ASIC2: variants seen among roughly 807,000 people sequenced by gnomAD.
The protein encoded by ASIC2 is acid sensing ion channel subunit 2.
Under a neutral mutation model 57.3 loss-of-function variants are expected in ASIC2, and 25 were observed. The observed-to-expected ratio is 0.44, with a 90% CI of 0.32 to 0.61. The LOEUF is 0.61. ASIC2 is among the 20% of genes least tolerant of loss of function. The pLI is 0.06. For missense variants in ASIC2, 641 were observed against 738.1 expected (o/e 0.87, Z 1.52); for synonymous variants, 319 against 307.5 (o/e 1.04, Z -0.39).
At chr17:34,013,293 G>A (rs143914465) in intron 1 of ASIC2, among the ~76,000 whole-genome samples, 4 of 152,254 alleles carry the variant, frequency 2.6e-5, no homozygotes, top group Non-Finnish European at 5.9e-5. Context: ...GGGAAAGTGT[G>A]GGCCTGAGAG....
At chr17:33,304,291 G>A (rs919238928) in intron 1 of ASIC2, among the ~76,000 whole-genome samples, 2 of 152,184 alleles carry the variant, frequency 1.3e-5, no homozygotes, top group Non-Finnish European at 2.9e-5. Context: ...ATGAACAATG[G>A]TCAGAAGAGA....
chr17:33,823,873 T>C (rs1015070555), intron 1 of ASIC2, among the ~76,000 whole-genome samples: 5 of 152,206 alleles, frequency 3.3e-5, no homozygotes, highest in African/African-American at 1.2e-4. Flanking sequence ...GTTTATTTGG[T>C]GTCTGATCTG....
At chr17:33,678,435 C>CACACACACACACACACACACACACA (rs1907894434) in intron 1 of ASIC2, among the ~76,000 whole-genome samples, 2 of 139,602 alleles carry the variant, frequency 1.4e-5, no homozygotes, top group African/African-American at 5.3e-5. Context: ...CTGGTTCAAT[C>CACACACACACACACACACACACACA]CACACACACA....
chr17:33,968,255 A>G (rs1905128509), intron 1 of ASIC2, among the ~76,000 whole-genome samples: 1 of 152,144 alleles, frequency 6.6e-6, no homozygotes, highest in South Asian at 2.1e-4. Flanking sequence ...ACACTGATCC[A>G]AATAAAACGG....
At chr17:33,946,325 G>A (rs1904374242) in intron 1 of ASIC2, among the ~76,000 whole-genome samples, 1 of 152,150 alleles carries the variant, frequency 6.6e-6, no homozygotes, top group South Asian at 2.1e-4. Flanking sequence ...GGTCTGGGGG[G>A]CCCGAGGCTG....
chr17:33,259,331 C>T (rs1408895081), intron 1 of ASIC2, among the ~76,000 whole-genome samples: 1 of 152,210 alleles, frequency 6.6e-6, no homozygotes, highest in African/African-American at 2.4e-5. Context: ...TTCACGCCAT[C>T]AGTCTGCAAA....
At chr17:33,447,033 C>T (rs183749976) in intron 1 of ASIC2, among the ~76,000 whole-genome samples, 21 of 152,332 alleles carry the variant, frequency 1.4e-4, no homozygotes, top group Admixed American at 4.6e-4. Flanking sequence ...CTGCTGCAGA[C>T]GCTTTGAGCC....
chr17:33,726,513 G>A (rs1909565534), intron 1 of ASIC2, among the ~76,000 whole-genome samples: 1 of 152,186 alleles, frequency 6.6e-6, no homozygotes, highest in South Asian at 2.1e-4. Flanking sequence ...AGCACCACAA[G>A]GCAGCCTGCA....
At chr17:34,086,865 T>A (rs1478718230) in intron 1 of ASIC2, among the ~76,000 whole-genome samples, 2 of 152,230 alleles carry the variant, frequency 1.3e-5, no homozygotes, top group Non-Finnish European at 2.9e-5. Flanking sequence ...CTGCAACACC[T>A]GCCTTTTTTT....
At chr17:34,099,138 G>A (rs374542219) in intron 1 of ASIC2, among the ~76,000 whole-genome samples, 408 of 27,476 alleles carry the variant, frequency 0.015, 4 homozygotes, top group East Asian at 0.024. Flanking sequence ...GAGAGAGAGA[G>A]AGAGAGACAG....
chr17:33,539,499 C>T (rs111404178), intron 1 of ASIC2, among the ~76,000 whole-genome samples: 45 of 152,332 alleles, frequency 3.0e-4, no homozygotes, highest in Non-Finnish European at 5.9e-4. Context: ...ATCTGAAGAC[C>T]CAAATGCACA....
chr17:33,810,336 C>T (rs1481499248), intron 1 of ASIC2, among the ~76,000 whole-genome samples: 1 of 152,164 alleles, frequency 6.6e-6, no homozygotes, highest in Non-Finnish European at 1.5e-5. Context: ...CTTTGCTGCA[C>T]ATTAGAATCA....
At chr17:33,354,669 T>G (rs1908309230) in intron 1 of ASIC2, among the ~76,000 whole-genome samples, 2 of 152,056 alleles carry the variant, frequency 1.3e-5, no homozygotes, top group South Asian at 4.2e-4. Flanking sequence ...TTCTTCAGCT[T>G]TCCCAGGGAT....
At chr17:33,386,160 C>G (rs1471381923) in intron 1 of ASIC2, among the ~76,000 whole-genome samples, 1 of 152,152 alleles carries the variant, frequency 6.6e-6, no homozygotes, top group Admixed American at 6.5e-5. Context: ...TCTATTTTCT[C>G]TCTATGTGCT....
At chr17:33,981,615 GAAGGAAGGGAGAGAGA>G (rs1905626931) in intron 1 of ASIC2, among the ~76,000 whole-genome samples, 1 of 150,168 alleles carries the variant, frequency 6.7e-6, no homozygotes, top group Non-Finnish European at 1.5e-5. Context: ...AGAAAAGAAA[GAAGGAAGGGAGAGAGA>G]AAGGAAGGGA....
At chr17:33,216,818 A>G (rs935134814) in intron 1 of ASIC2, among the ~76,000 whole-genome samples, 1 of 152,188 alleles carries the variant, frequency 6.6e-6, no homozygotes, top group African/African-American at 2.4e-5. Context: ...CTGGCTGCAG[A>G]GTGGAAGTGA....
At chr17:33,981,240 G>A (rs1010318347) in intron 1 of ASIC2, among the ~76,000 whole-genome samples, 4 of 152,054 alleles carry the variant, frequency 2.6e-5, no homozygotes, top group African/African-American at 7.2e-5. Flanking sequence ...GTGAGCCACC[G>A]CACCCAGCCC....
intron 1 of ASIC2, among the ~76,000 whole-genome samples, chr17:33,966,188 A>G (rs1403949072): frequency 6.6e-6 from 1 of 152,216 alleles, no homozygotes; most frequent in Non-Finnish European, 1.5e-5. Flanking sequence ...TAGCAGGTAT[A>G]CAGGAGAGGA....
At chr17:33,305,517 T>C (rs1293322083) in intron 1 of ASIC2, among the ~76,000 whole-genome samples, 1 of 152,176 alleles carries the variant, frequency 6.6e-6, no homozygotes, top group Non-Finnish European at 1.5e-5. Flanking sequence ...AGCCAACACC[T>C]GACAACAAAG....
Sources: allele counts gnomAD v4.1 joint callset (sites outside exome capture counted in the v4.1 genomes callset), GRCh38; gene constraint gnomAD v4.1.1; transcripts MANE v1.5; gene names NCBI Gene and HGNC (gene_info 2026-07-23, HGNC 2026-07-21).